The following PEBP4 variants were observed in gnomAD, a reference collection of about 807,000 sequenced individuals.
The protein encoded by PEBP4 is phosphatidylethanolamine-binding protein 4.
In PEBP4, 22 loss-of-function variants were observed where a neutral mutation model predicts 23.9. The observed-to-expected ratio is 0.92, with a 90% confidence interval of 0.66 to 1.31. The LOEUF is 1.31. Ranked by LOEUF, PEBP4 falls within the 40% of genes most tolerant of loss-of-function variation. PEBP4 has a pLI of 0.00. For synonymous variants in PEBP4, 112 were observed against 99.3 expected, an observed-to-expected ratio of 1.13 and a Z score of -0.76; for missense variants, 324 against 281.7, an observed-to-expected ratio of 1.15 and a Z score of -1.07.
At chr8:22,724,560 T>C (rs1168629158) in intron 6 of PEBP4, among the ~76,000 whole-genome samples, 3 of 152,244 alleles carry the variant, frequency 2.0e-5, no homozygotes, top group Non-Finnish European at 4.4e-5. Context: ...CTCTTCTCCC[T>C]GGCTGCAGTC....
At chr8:22,893,761 G>GA (rs924389863) in intron 3 of PEBP4, among the ~76,000 whole-genome samples, 3 of 151,858 alleles carry the variant, frequency 2.0e-5, no homozygotes, top group Admixed American at 6.6e-5. Flanking sequence ...AACACAGAGA[G>GA]AAAAAAGACT....
intron 4 of PEBP4, among the ~76,000 whole-genome samples, chr8:22,799,235 C>CGGTA (rs1806333172): frequency 6.6e-6 from 1 of 152,180 alleles, no homozygotes; most frequent in African/African-American, 2.4e-5. Flanking sequence ...TGTCATTGTG[C>CGGTA]GGTAGCTTCC....
chr8:22,771,203 G>T (rs1235185810), intron 4 of PEBP4, among the ~76,000 whole-genome samples: 1 of 152,182 alleles, frequency 6.6e-6, no homozygotes, highest in Non-Finnish European at 1.5e-5. Flanking sequence ...CTTCAACAGA[G>T]AATTTGTTGG....
chr8:22,718,567 G>A (rs567125256), intron 6 of PEBP4, among the ~76,000 whole-genome samples: 1 of 152,310 alleles, frequency 6.6e-6, no homozygotes, highest in East Asian at 1.9e-4. Context: ...AGTGTTGCCC[G>A]GGATGGCCCC....
chr8:22,869,511 T>C (rs934048388), intron 3 of PEBP4, among the ~76,000 whole-genome samples: 3 of 152,118 alleles, frequency 2.0e-5, no homozygotes, highest in African/African-American at 4.8e-5. Flanking sequence ...TCATGGACTT[T>C]CCCCAGGAAG....
intron 3 of PEBP4, among the ~76,000 whole-genome samples, chr8:22,835,861 G>T (rs111679942): frequency 0.038 from 5,821 of 152,282 alleles, 323 homozygotes; most frequent in African/African-American, 0.12. Flanking sequence ...TTCAATGACC[G>T]GCTCTTCAGG....
intron 4 of PEBP4, among the ~76,000 whole-genome samples, chr8:22,807,522 G>A (rs1367198436): frequency 2.0e-5 from 3 of 152,182 alleles, no homozygotes; most frequent in African/African-American, 7.2e-5. Context: ...ACTCTTAGTA[G>A]ATGTTTGCAA....
chr8:22,779,878 G>A (rs1285537826), intron 4 of PEBP4, among the ~76,000 whole-genome samples: 2 of 152,224 alleles, frequency 1.3e-5, no homozygotes, highest in Non-Finnish European at 2.9e-5. Context: ...ATGCTTTGGA[G>A]GGGACAACTG....
intron 3 of PEBP4, among the ~76,000 whole-genome samples, chr8:22,830,832 G>A (rs933379153): frequency 6.6e-6 from 1 of 152,110 alleles, no homozygotes; most frequent in African/African-American, 2.4e-5. Context: ...CTTGGCTACT[G>A]GAATAGCCTC....
At chr8:22,782,374 T>C (rs1160335715) in intron 4 of PEBP4, among the ~76,000 whole-genome samples, 1 of 152,216 alleles carries the variant, frequency 6.6e-6, no homozygotes, top group African/African-American at 2.4e-5. Context: ...ACACACACTG[T>C]CGAGCACCTA....
chr8:22,882,972 C>T (rs1009091861), intron 3 of PEBP4, among the ~76,000 whole-genome samples: 1 of 152,230 alleles, frequency 6.6e-6, no homozygotes, highest in Non-Finnish European at 1.5e-5. Context: ...TTCCCTAGTT[C>T]CCTCTGCCTC....
At chr8:22,852,539 ACAC>A (rs1227435926) in intron 3 of PEBP4, among the ~76,000 whole-genome samples, 4 of 152,126 alleles carry the variant, frequency 2.6e-5, no homozygotes, top group Non-Finnish European at 2.9e-5. Context: ...AGCGAGAAAC[ACAC>A]CACAAGAGCG....
intron 3 of PEBP4, among the ~76,000 whole-genome samples, chr8:22,834,291 G>T (rs1807153771): frequency 6.6e-6 from 1 of 152,222 alleles, no homozygotes; most frequent in South Asian, 2.1e-4. Flanking sequence ...GAGTGTAACA[G>T]CTGCTCTTCG....
intron 6 of PEBP4, among the ~76,000 whole-genome samples, chr8:22,713,820 T>G (rs1194541882): frequency 6.6e-6 from 1 of 151,724 alleles, no homozygotes; most frequent in Admixed American, 6.6e-5. Context: ...CCCCAGCACC[T>G]CTGTTTAGCA....
chr8:22,915,645 A>G (rs191065410), intron 3 of PEBP4, among the ~76,000 whole-genome samples: 32 of 152,324 alleles, frequency 2.1e-4, no homozygotes, highest in African/African-American at 7.7e-4. Context: ...CAAATAGTCC[A>G]TGGCGGCTGC....
intron 4 of PEBP4, among the ~76,000 whole-genome samples, chr8:22,759,800 G>A (rs1221585147): frequency 2.0e-5 from 3 of 152,270 alleles, no homozygotes; most frequent in African/African-American, 4.8e-5. Flanking sequence ...GGCTGGTTCC[G>A]AAGGGCTCAA....
At chr8:22,826,047 T>C (rs946098752) in intron 3 of PEBP4, among the ~76,000 whole-genome samples, 1 of 151,980 alleles carries the variant, frequency 6.6e-6, no homozygotes, top group Non-Finnish European at 1.5e-5. Context: ...TGGGGGGACA[T>C]GGGGAGTTGC....
intron 3 of PEBP4, among the ~76,000 whole-genome samples, chr8:22,821,829 T>C (rs1344627484): frequency 6.6e-6 from 1 of 151,568 alleles, no homozygotes; most frequent in Non-Finnish European, 1.5e-5. Context: ...ACTAAAAATA[T>C]AAAAAATTAG....
chr8:22,875,948 C>T (rs181671359), intron 3 of PEBP4, among the ~76,000 whole-genome samples: 46 of 152,156 alleles, frequency 3.0e-4, no homozygotes, highest in African/African-American at 1.1e-3. Flanking sequence ...CTCACTCTGT[C>T]GCCCAGGCTG....
Sources: gnomAD v4.1 joint callset for allele counts (sites outside exome capture counted in the v4.1 genomes callset) on GRCh38, gnomAD v4.1.1 for gene constraint, MANE v1.5 for transcripts, NCBI Gene and HGNC (gene_info 2026-07-23, HGNC 2026-07-21) for gene names.